The following DNM3 variants were observed in gnomAD, a reference collection of about 807,000 sequenced individuals.
DNM3 encodes dynamin 3, also known as dynamin-3.
In DNM3, 47 loss-of-function variants were observed where a neutral mutation model predicts 101.6. That is an observed-to-expected ratio of 0.46 (90% CI 0.37 to 0.59). The LOEUF is 0.59. Among genes scored for constraint, DNM3 ranks in the 20% least tolerant of loss-of-function variants. DNM3 has a pLI of 0.00. For missense variants in DNM3, 849 were observed against 1,085.7 expected (o/e 0.78, Z 3.06); for synonymous variants, 385 against 387.9 (o/e 0.99, Z 0.09).
chr1:172,286,837 C>G (rs2063721576), intron 15 of DNM3, among the ~76,000 whole-genome samples: 1 of 152,160 alleles, frequency 6.6e-6, no homozygotes, highest in Non-Finnish European at 1.5e-5. Context: ...TTTTTAGAAG[C>G]AGTACACAAA....
At chr1:172,014,466 T>G (rs1320515971) in intron 4 of DNM3, among the ~76,000 whole-genome samples, 2 of 152,138 alleles carry the variant, frequency 1.3e-5, no homozygotes, top group Non-Finnish European at 2.9e-5. Flanking sequence ...TTTGGTATTG[T>G]CAGTTTTGTG....
chr1:172,154,835 G>A (rs1401700605), intron 14 of DNM3, among the ~76,000 whole-genome samples: 1 of 151,978 alleles, frequency 6.6e-6, no homozygotes, highest in African/African-American at 2.4e-5. Flanking sequence ...CTAGTCTTTG[G>A]TAGGCAGACA....
intron 1 of DNM3, among the ~76,000 whole-genome samples, chr1:171,918,963 TC>T (rs1409347223): frequency 2.0e-5 from 3 of 152,158 alleles, no homozygotes; most frequent in African/African-American, 7.2e-5. Context: ...AACCTTTTTT[TC>T]TTCTTTCTTC....
chr1:172,105,847 T>G (rs2054974114), intron 13 of DNM3, among the ~76,000 whole-genome samples: 1 of 152,168 alleles, frequency 6.6e-6, no homozygotes, highest in Non-Finnish European at 1.5e-5. Context: ...TTAAATAGGA[T>G]TTTTCAATTA....
intron 15 of DNM3, among the ~76,000 whole-genome samples, chr1:172,279,069 G>A (rs2063391641): frequency 6.6e-6 from 1 of 152,112 alleles, no homozygotes; most frequent in Non-Finnish European, 1.5e-5. Context: ...GAGTGTGTGT[G>A]TTGAGGAAAC....
At position 172,131,166 on chromosome 1, in the gene DNM3, T is replaced by C; in HGVS notation, c.1546-9T>C. ...CTAAACACCTCTGCTGATTTCTGCTTTTTCGTAGGTGATTCGCAAGGGGTG... is the reference window on the plus strand; with the variant it reads ...CTAAACACCTCTGCTGATTTCTGCTCTTTCGTAGGTGATTCGCAAGGGGTG... On this transcript the variant is annotated splice_polypyrimidine_tract_variant and intron_variant, in intron 13 of 20. Coordinates refer to ENST00000627582, the MANE Select transcript of DNM3 (RefSeq NM_015569.5). 1 of 1,612,932 alleles carries C rather than the reference T, an allele frequency of 6.2e-7. No individual in the cohort carries two copies. Among genetic ancestry groups the C allele is most frequent in the Non-Finnish European group, 8.5e-7 (1 of 1,179,384 alleles).
At chr1:171,908,759 T>C (rs541515154) in intron 1 of DNM3, among the ~76,000 whole-genome samples, 35 of 152,320 alleles carry the variant, frequency 2.3e-4, no homozygotes, top group African/African-American at 7.7e-4. Context: ...ACCTCTATAA[T>C]ATTCTCTAAT....
At chr1:171,986,205 C>T (rs970136992) in intron 2 of DNM3, among the ~76,000 whole-genome samples, 1 of 152,102 alleles carries the variant, frequency 6.6e-6, no homozygotes, top group African/African-American at 2.4e-5. Flanking sequence ...TCAGTCCATA[C>T]CCCACTTCCT....
chr1:172,090,367 G>C (rs1558552787), intron 12 of DNM3, among the ~76,000 whole-genome samples: 2 of 152,176 alleles, frequency 1.3e-5, no homozygotes, highest in South Asian at 4.1e-4. Flanking sequence ...CCTTAGGAGA[G>C]TGCTACTCAA....
chr1:171,873,570 G>A (rs1291746159), intron 1 of DNM3, among the ~76,000 whole-genome samples: 3 of 152,040 alleles, frequency 2.0e-5, no homozygotes, highest in African/African-American at 7.2e-5. Flanking sequence ...GGGGGATCAG[G>A]CATGTCCAAG....
intron 17 of DNM3, chr1:172,378,080 A>T (rs1447761990): frequency 6.6e-6 from 1 of 152,112 alleles, no homozygotes; most frequent in East Asian, 1.9e-4. Flanking sequence ...TTACATTCAT[A>T]ATTAAATCTT....
At chr1:172,114,473 T>G (rs1448600732) in intron 13 of DNM3, among the ~76,000 whole-genome samples, 3 of 152,214 alleles carry the variant, frequency 2.0e-5, no homozygotes, top group African/African-American at 7.2e-5. Context: ...TTACAGAATC[T>G]CTAAGACTCT....
intron 17 of DNM3, among the ~76,000 whole-genome samples, chr1:172,361,523 G>C (rs2067739702): frequency 6.6e-6 from 1 of 151,848 alleles, no homozygotes; most frequent in Non-Finnish European, 1.5e-5. Flanking sequence ...CTTTACTGCA[G>C]GGTTCTCAAA....
chr1:172,084,304 C>G (rs946087914), intron 12 of DNM3, among the ~76,000 whole-genome samples: 1 of 152,126 alleles, frequency 6.6e-6, no homozygotes, highest in African/African-American at 2.4e-5. Context: ...GTCTCTCACT[C>G]TCTCCACATA....
intron 14 of DNM3, among the ~76,000 whole-genome samples, chr1:172,166,579 A>C (rs143422828): frequency 7.2e-5 from 11 of 152,236 alleles, no homozygotes; most frequent in Admixed American, 7.2e-4. Context: ...AAGTAATCCA[A>C]CGTGGGTTTT....
At chr1:171,898,943 A>G (rs1318162987) in intron 1 of DNM3, among the ~76,000 whole-genome samples, 1 of 152,158 alleles carries the variant, frequency 6.6e-6, no homozygotes, top group Non-Finnish European at 1.5e-5. Context: ...ACTTTTTACA[A>G]GAAAGGGGTG....
chr1:172,409,652 T>A lies in DNM3; in HGVS notation c.*1811T>A. ...ATGTGCAAGATACATACTGCATTTT[T>A]AAAATAGTGTCTCAGCTAAATGGAA... On this transcript the variant is annotated 3_prime_UTR_variant, in exon 21 of 21. Coordinates refer to ENST00000627582, the MANE Select transcript of DNM3 (RefSeq NM_015569.5). 1.0e-6 allele frequency: 1 copy of A among 985,688 alleles called. No individual in the cohort carries two copies. Among genetic ancestry groups the A allele is most frequent in the Non-Finnish European group, 1.2e-6 (1 of 829,786 alleles). The allele number at this position is 985,688 out of a possible 1,614,324, so 61.1% of individuals were successfully genotyped here. A position where few individuals can be genotyped will look rare whatever the true frequency, so the allele number is the denominator to read the frequency against.
chr1:172,133,310 T>C, intron 14 of DNM3: 1 of 1,018,142 alleles, frequency 9.8e-7, no homozygotes, highest in Non-Finnish European at 1.2e-6. Context: ...GATAATTCTT[T>C]ACAAAATCAC....
chr1:171,860,406 T>C (rs763149397), intron 1 of DNM3, among the ~76,000 whole-genome samples: 11 of 152,168 alleles, frequency 7.2e-5, no homozygotes, highest in Non-Finnish European at 1.5e-4. Flanking sequence ...AGATTTGCTA[T>C]GGAAAAGAAT....
Sources: allele counts gnomAD v4.1 joint callset (sites outside exome capture counted in the v4.1 genomes callset), GRCh38; gene constraint gnomAD v4.1.1; transcripts MANE v1.5; gene names NCBI Gene and HGNC (gene_info 2026-07-23, HGNC 2026-07-21).